The following B4GALT7 variants were observed in gnomAD, a reference collection of about 807,000 sequenced individuals.
B4GALT7 encodes the protein beta-1,4-galactosyltransferase 7, also known as UDP-Gal:beta-GlcNAc beta-1,4-galactosyltransferase 7.
A neutral mutation model predicts 33.0 loss-of-function variants in B4GALT7; 30 were observed. The observed-to-expected ratio is 0.91, with a 90% CI of 0.68 to 1.23. B4GALT7 has a LOEUF of 1.23. Among genes scored for constraint, B4GALT7 ranks in the 50% most tolerant of loss-of-function variants. B4GALT7 has a pLI of 0.00. For synonymous variants in B4GALT7, 213 were observed against 187.2 expected (o/e 1.14, Z -1.13); for missense variants, 507 against 450.8 (o/e 1.12, Z -1.13).
rs1231424511 is a variant in B4GALT7 at position 177,604,520 on chromosome 5, T to C, written c.392T>C (p.Leu131Pro). 6.2e-7 allele frequency: 1 copy of C among 1,613,844 alleles called. No homozygotes were observed. The highest frequency in any genetic ancestry group is 1.3e-5 in the African/African-American group (1 of 75,026). Residue 131 changes from leucine (L) to proline (P), a missense_variant, in exon 2 of 6, where the codon CTC becomes CCC. By Grantham distance (98) the Leu-to-Pro change is moderately conservative. Transcript: ENST00000029410. ...RKKIRHHIYV[L>P]NQVDHFRFNR... ...AAGATCCGGCACCACATCTACGTGC[T>C]CAACCAGGTGGACCACTTCAGGTAG...
chr5:177,609,738 G>T lies in B4GALT7; in HGVS notation c.*43G>T. 6 of 1,558,942 alleles carry T rather than the reference G, an allele frequency of 3.8e-6. No individual in the cohort carries two copies. The highest frequency in any genetic ancestry group is 5.2e-6 in the Non-Finnish European group (6 of 1,151,456). On this transcript the variant is annotated 3_prime_UTR_variant, in exon 6 of 6. Transcript: ENST00000029410. ...GAAGCCTGTACCTACAGGCCATATT[G>T]CTCAGGCTCAGGACAAGGCCTCAGG...
chr5:177,605,249 T>G (rs1767960128), intron 2 of B4GALT7: 1 of 339,722 alleles, frequency 2.9e-6, no homozygotes, highest in African/African-American at 2.2e-5. Flanking sequence ...CCCTTGCTGC[T>G]GGCGTAATCC....
Position 177,609,701 on chromosome 5 carries a change from A to G in B4GALT7, c.*6A>G. On this transcript the variant is annotated 3_prime_UTR_variant, in exon 6 of 6. Transcript: ENST00000029410. ...CCTGGTGCACATTCAGCTGAGCTGG[A>G]TGGACAGTGAGGAAGCCTGTACCTA... The G allele has an allele frequency of 6.2e-7, 1 of 1,601,128 alleles. No individual in the cohort carries two copies. Among genetic ancestry groups the G allele is most frequent in the Non-Finnish European group, 8.5e-7 (1 of 1,173,930 alleles).
chr5:177,603,132 C>A (rs1286574603), intron 1 of B4GALT7: 1 of 826,872 alleles, frequency 1.2e-6, no homozygotes, highest in Non-Finnish European at 1.5e-6. Flanking sequence ...GCACCTGCCT[C>A]GGCCTCCCAA....
chr5:177,609,111 C>G, intron 5 of B4GALT7, 97 bp downstream of exon 5: 1 of 1,128,386 alleles, frequency 8.9e-7, no homozygotes, highest in African/African-American at 1.5e-5. Flanking sequence ...CAAATGGTCC[C>G]ATCCTCCCCT....
In B4GALT7 at chr5:177,608,577, C is replaced by T. The variant is rs139816846; in HGVS notation, c.678C>T (p.Arg226=). The change falls in exon 4 of 6, where the codon CGC becomes CGT. Residue 226 remains arginine, a synonymous_variant. Transcript: ENST00000029410. This position sits in a 1 kb window ranked among gnomAD's most constrained non-coding sequence, Gnocchi z 4.1. ...CCAACCGCTTCTGGGGCTGGGGCCGCGAGGACGACGAGTTCTACCGGCGCA... is the reference window on the plus strand; with the variant it reads ...CCAACCGCTTCTGGGGCTGGGGCCGTGAGGACGACGAGTTCTACCGGCGCA... The part of the protein sequence containing the change: ...GMSNRFWGWG[R]EDDEFYRRIK... 46 of 1,613,744 alleles carry T rather than the reference C, an allele frequency of 2.9e-5. No homozygotes were observed. Among genetic ancestry groups the T allele is most frequent in the Non-Finnish European group, 3.6e-5 (42 of 1,180,010 alleles).
In B4GALT7 at chr5:177,606,879, C is replaced by A; in HGVS notation, c.414-423C>A. Reference sequence around the variant, plus strand: ...CCCACTGCCCTGTGGGTCATCTCTTCAGGCCTTCAGGTTTCTGTCACTCAG... The same window carrying A: ...CCCACTGCCCTGTGGGTCATCTCTTAAGGCCTTCAGGTTTCTGTCACTCAG... On this transcript the variant is annotated intron_variant, in intron 2 of 5. Coordinates refer to ENST00000029410, the MANE Select transcript of B4GALT7 (RefSeq NM_007255.3). This position sits in a 1 kb window ranked among gnomAD's most constrained non-coding sequence, Gnocchi z 4.2. 1 of 349,788 alleles carries A rather than the reference C, an allele frequency of 2.9e-6. No individual in the cohort carries two copies. Among genetic ancestry groups the A allele is most frequent in the East Asian group, 7.5e-5 (1 of 13,352 alleles). 21.7% of individuals were successfully genotyped at this position (349,788 alleles called of 1,614,324 possible).
chr5:177,605,727 G>C (rs1209671712), intron 2 of B4GALT7: 2 of 152,054 alleles, frequency 1.3e-5, no homozygotes, highest in African/African-American at 4.8e-5. Context: ...CACACACCCT[G>C]AAGTGGCTCC....
Position 177,606,968 on chromosome 5 carries a change from G to A in B4GALT7, c.414-334G>A, listed in dbSNP as rs1019750410. 3 of 397,596 alleles carry A rather than the reference G, an allele frequency of 7.5e-6. No homozygotes were observed. The highest frequency in any genetic ancestry group is 1.4e-5 in the Non-Finnish European group (3 of 208,976). 24.6% of individuals were successfully genotyped at this position (397,596 alleles called of 1,614,324 possible). A position where few individuals can be genotyped will look rare whatever the true frequency, so the allele number is the denominator to read the frequency against. Reference sequence around the variant, plus strand: ...AGCCACCTCCACCCCCAGCAAGATCGCCCTCCTTGCCTGCTTTGCTTTTCC... The same window carrying A: ...AGCCACCTCCACCCCCAGCAAGATCACCCTCCTTGCCTGCTTTGCTTTTCC... On this transcript the variant is annotated intron_variant, in intron 2 of 5. Coordinates refer to ENST00000029410, the MANE Select transcript of B4GALT7 (RefSeq NM_007255.3). This position sits in a 1 kb window ranked among gnomAD's most constrained non-coding sequence, Gnocchi z 4.2.
chr5:177,609,128 C>G (rs1017201751), intron 5 of B4GALT7, 114 bp downstream of exon 5: 23 of 1,002,660 alleles, frequency 2.3e-5, no homozygotes, highest in Non-Finnish European at 3.2e-5. Flanking sequence ...CCCTGCTTGG[C>G]CCAGGTCAGT....
chr5:177,608,938 G>T lies in B4GALT7; in HGVS notation c.752G>T (p.Gly251Val), dbSNP rs1433166971. 1.2e-6 allele frequency: 2 copies of T among 1,613,650 alleles called. No homozygotes were observed. Among genetic ancestry groups the T allele is most frequent in the Admixed American group, 1.7e-5 (1 of 60,002 alleles). The change falls in exon 5 of 6, where the codon GGG becomes GTG. Residue 251 changes from glycine (G) to valine (V), a missense_variant. Gly to Val is a moderately radical substitution (Grantham distance 109). Transcript: ENST00000029410. This position sits in a 1 kb window ranked among gnomAD's most constrained non-coding sequence, Gnocchi z 4.1. ...QLFRPSGITT[G>V]YKTFRHLHDP... ...TTCCGCCCCTCGGGAATCACAACTG[G>T]GTACAAGACATTTCGCCACCTGCAT...
chr5:177,601,916 G>A (rs1431916921), intron 1 of B4GALT7, among the ~76,000 whole-genome samples: 2 of 152,216 alleles, frequency 1.3e-5, no homozygotes, highest in Non-Finnish European at 2.9e-5. Context: ...TGCCCATGGG[G>A]ATGTGGTCCT....
At chr5:177,601,916 G>C (rs1431916921) in intron 1 of B4GALT7, among the ~76,000 whole-genome samples, 2 of 152,216 alleles carry the variant, frequency 1.3e-5, no homozygotes, top group South Asian at 2.1e-4. Flanking sequence ...TGCCCATGGG[G>C]ATGTGGTCCT....
rs904776782 is a variant in B4GALT7 at position 177,609,832 on chromosome 5, A to T, written c.*137A>T. The T allele has an allele frequency of 2.4e-5, 30 of 1,230,804 alleles. 1 individual carries two copies. Among genetic ancestry groups the T allele is most frequent in the Middle Eastern group, 2.7e-4 (1 of 3,750 alleles). 76.2% of individuals were successfully genotyped at this position (1,230,804 alleles called of 1,614,324 possible). A position where few individuals can be genotyped will look rare whatever the true frequency, so the allele number is the denominator to read the frequency against. ...GACAGCAAGCTACGCAATTGCAGCC[A>T]CCCGGCCGCCAAGGCAGGCTTGGGC... is the stretch of plus-strand genomic sequence containing the variant. On this transcript the variant is annotated 3_prime_UTR_variant, in exon 6 of 6. Transcript: ENST00000029410.
At chr5:177,603,466 C>A (rs1767894473) in intron 1 of B4GALT7, 1 of 644,170 alleles carries the variant, frequency 1.6e-6, no homozygotes, top group Non-Finnish European at 1.9e-6. Context: ...GAAATCAGTG[C>A]CTGTGCTGTA....
intron 2 of B4GALT7, 87 bp downstream of exon 2, chr5:177,604,628 G>A (rs1767934498): frequency 1.3e-6 from 2 of 1,572,772 alleles, no homozygotes; most frequent in Non-Finnish European, 1.7e-6. Context: ...TGGGGCAGGG[G>A]CAGGAGGGCG....
rs889752766 is a variant in B4GALT7 at position 177,607,137 on chromosome 5, T to A, written c.414-165T>A. On this transcript the variant is annotated intron_variant, in intron 2 of 5. Transcript: ENST00000029410. ...TGAATGGTTTCTGGCACATAGTGGG[T>A]GCTTAGTAAATATGCGATGAGTGGA... 12 of 687,220 alleles carry A rather than the reference T, an allele frequency of 1.7e-5. No individual in the cohort carries two copies. In the African/African-American group the frequency reaches 2.0e-4, roughly 11 times the overall value. The allele number at this position is 687,220 out of a possible 1,614,324, so 42.6% of individuals were successfully genotyped here.
Position 177,610,020 on chromosome 5 carries a change from G to T in B4GALT7, c.*325G>T. 2.4e-6 allele frequency: 1 copy of T among 410,806 alleles called. No homozygotes were observed. The highest frequency in any genetic ancestry group is 5.2e-5 in the East Asian group (1 of 19,094). 25.4% of individuals were successfully genotyped at this position (410,806 alleles called of 1,614,324 possible). ...GTGGGTAGTGGGGAGGGCTGAACAGGACAACCTCTCATCACCCCCACTTTT... is the reference window on the plus strand; with the variant it reads ...GTGGGTAGTGGGGAGGGCTGAACAGTACAACCTCTCATCACCCCCACTTTT... On this transcript the variant is annotated 3_prime_UTR_variant, in exon 6 of 6. Coordinates refer to ENST00000029410, the MANE Select transcript of B4GALT7 (RefSeq NM_007255.3).
intron 1 of B4GALT7, chr5:177,603,049 A>G (rs1767885070): frequency 8.5e-6 from 3 of 354,966 alleles, no homozygotes; most frequent in Non-Finnish European, 7.9e-6. Flanking sequence ...CACCCAGCTA[A>G]TTTTTGTATT....
Sources: gnomAD v4.1 joint callset for allele counts (sites outside exome capture counted in the v4.1 genomes callset) on GRCh38, gnomAD v4.1.1 for gene constraint, Gnocchi (gnomAD v3.1) non-coding constraint, MANE v1.5 for transcripts, NCBI Gene and HGNC (gene_info 2026-07-23, HGNC 2026-07-21) for gene names.